Variants in CSMD1 observed in about 807,000 individuals in gnomAD.
CSMD1 encodes the protein CUB and sushi domain-containing protein 1.
A neutral mutation model predicts 417.5 loss-of-function variants in CSMD1; 213 were observed. The observed-to-expected ratio is 0.51, with a 90% CI of 0.46 to 0.57. The LOEUF (loss-of-function observed/expected upper bound fraction) is 0.57. CSMD1 is among the 20% of genes least tolerant of loss of function. The pLI is 0.00. For synonymous variants in CSMD1, 2,862 were observed against 1,736.8 expected, an observed-to-expected ratio of 1.65 and a Z score of -16.11; for missense variants, 6,923 against 4,529.7, an observed-to-expected ratio of 1.53 and a Z score of -15.17.
chr8:3,314,716 C>T (rs186747661), intron 23 of CSMD1, among the ~76,000 whole-genome samples: 13 of 152,322 alleles, frequency 8.5e-5, no homozygotes, highest in South Asian at 4.1e-4. Flanking sequence ...GCATGAATTA[C>T]GCAGTCTTAA....
At chr8:4,785,158 T>C (rs1455345567) in intron 1 of CSMD1, among the ~76,000 whole-genome samples, 3 of 152,224 alleles carry the variant, frequency 2.0e-5, no homozygotes, top group South Asian at 2.1e-4. Flanking sequence ...CATGTTTCCA[T>C]AGCTTTGCTG....
intron 54 of CSMD1, among the ~76,000 whole-genome samples, chr8:2,992,938 G>C (rs1184299460): frequency 6.6e-6 from 1 of 151,570 alleles, no homozygotes; most frequent in African/African-American, 2.4e-5. Flanking sequence ...TTACTATGCT[G>C]CCCAGGCTGG....
intron 3 of CSMD1, among the ~76,000 whole-genome samples, chr8:4,038,036 A>G (rs185246426): frequency 1.1e-3 from 160 of 152,296 alleles, no homozygotes; most frequent in Admixed American, 2.5e-3. Context: ...AGTGTAAATA[A>G]GTATCAGAGG....
intron 5 of CSMD1, among the ~76,000 whole-genome samples, chr8:3,791,334 T>G (rs1043519385): frequency 3.3e-5 from 5 of 152,224 alleles, no homozygotes; most frequent in African/African-American, 1.2e-4. Flanking sequence ...TAGAATTTCA[T>G]AGGATAACCT....
At chr8:4,376,444 G>A (rs148658179) in intron 3 of CSMD1, among the ~76,000 whole-genome samples, 34 of 151,788 alleles carry the variant, frequency 2.2e-4, no homozygotes, top group Non-Finnish European at 3.4e-4. Context: ...AAATATTTTC[G>A]GCTTATTCTG....
intron 7 of CSMD1, among the ~76,000 whole-genome samples, chr8:3,645,119 A>G (rs192352418): frequency 4.6e-5 from 7 of 152,232 alleles, no homozygotes; most frequent in Non-Finnish European, 7.4e-5. Context: ...TGCTAAGGCC[A>G]TGTTCAAAGC....
At chr8:4,789,158 G>A (rs966712446) in intron 1 of CSMD1, among the ~76,000 whole-genome samples, 1 of 152,170 alleles carries the variant, frequency 6.6e-6, no homozygotes, top group South Asian at 2.1e-4. Context: ...ATACAATGTT[G>A]TATGTTCAGA....
chr8:3,069,687 G>T lies in CSMD1; in HGVS notation c.7475-17040C>A, dbSNP rs1813194206. On this transcript the variant is annotated intron_variant, in intron 49 of 69. Coordinates refer to ENST00000635120, the MANE Select transcript of CSMD1 (RefSeq NM_033225.6). ...GTGCCTGTGGCTTTTTCATGCTGAG[G>T]GGGCAAACTGCTTGTAGATCTACCA... is the stretch of plus-strand genomic sequence containing the variant. Among the ~76,000 whole-genome samples, 3 of 152,134 alleles carry T rather than the reference G, an allele frequency of 2.0e-5. No homozygotes were observed. In the South Asian group the frequency reaches 6.2e-4, roughly 31 times the overall value.
At chr8:3,754,975 T>TA in intron 5 of CSMD1, among the ~76,000 whole-genome samples, 1 of 152,252 alleles carries the variant, frequency 6.6e-6, no homozygotes, top group Non-Finnish European at 1.5e-5. Context: ...TGCATTCATT[T>TA]TAAAAATAAG....
intron 3 of CSMD1, among the ~76,000 whole-genome samples, chr8:4,101,556 G>A (rs1403136624): frequency 6.6e-6 from 1 of 152,162 alleles, no homozygotes; most frequent in Non-Finnish European, 1.5e-5. Flanking sequence ...TGGATGTGTA[G>A]GAAGTTTCTT....
At chr8:3,448,454 G>A (rs998073358) in intron 12 of CSMD1, among the ~76,000 whole-genome samples, 15 of 151,716 alleles carry the variant, frequency 9.9e-5, no homozygotes, top group Non-Finnish European at 2.9e-5. Flanking sequence ...GACTGTGGAG[G>A]AGCAAAGAAG....
chr8:4,236,254 C>T (rs1047186541), intron 3 of CSMD1, among the ~76,000 whole-genome samples: 1 of 151,880 alleles, frequency 6.6e-6, no homozygotes, highest in Non-Finnish European at 1.5e-5. Context: ...TCCTGAGGGG[C>T]TTTATTTGTA....
At chr8:4,965,067 C>T (rs559706704) in intron 1 of CSMD1, among the ~76,000 whole-genome samples, 1 of 152,156 alleles carries the variant, frequency 6.6e-6, no homozygotes. Context: ...TATTTCAAAG[C>T]CTCTCAAAAT....
At chr8:4,582,541 C>G (rs909776843) in intron 2 of CSMD1, among the ~76,000 whole-genome samples, 7 of 152,120 alleles carry the variant, frequency 4.6e-5, no homozygotes, top group African/African-American at 1.7e-4. Context: ...AGTGAGAGAT[C>G]AGGAAGGAAG....
chr8:4,862,608 G>C (rs1802202960), intron 1 of CSMD1, among the ~76,000 whole-genome samples: 1 of 152,038 alleles, frequency 6.6e-6, no homozygotes, highest in Non-Finnish European at 1.5e-5. Flanking sequence ...TAAAAAATTG[G>C]AATACGGTTT....
intron 12 of CSMD1, among the ~76,000 whole-genome samples, chr8:3,437,397 A>G (rs1339146432): frequency 6.6e-6 from 1 of 152,158 alleles, no homozygotes; most frequent in Non-Finnish European, 1.5e-5. Flanking sequence ...GGCAATTCAT[A>G]CAGTTCTGAC....
chr8:2,996,225 CA>C (rs1806884505), intron 54 of CSMD1, among the ~76,000 whole-genome samples: 1 of 152,070 alleles, frequency 6.6e-6, no homozygotes, highest in South Asian at 2.1e-4. Flanking sequence ...AAAAAAATAA[CA>C]TACTGAACAT....
chr8:3,375,003 G>C (rs1410455157), intron 18 of CSMD1: 3 of 152,324 alleles, frequency 2.0e-5, no homozygotes. Context: ...TGATCTCCGT[G>C]TTAGAGACGG....
At chr8:3,309,582 CAT>C (rs1209525298) in intron 23 of CSMD1, among the ~76,000 whole-genome samples, 1 of 142,582 alleles carries the variant, frequency 7.0e-6, no homozygotes, top group Admixed American at 8.0e-5. Flanking sequence ...CTTACAGTAA[CAT>C]ATTTCTATTC....
Sources: allele counts gnomAD v4.1 joint callset (sites outside exome capture counted in the v4.1 genomes callset), GRCh38; gene constraint gnomAD v4.1.1; transcripts MANE v1.5; gene names NCBI Gene and HGNC (gene_info 2026-07-23, HGNC 2026-07-21).